The following SLC10A7 variants were observed in gnomAD, a reference collection of about 807,000 sequenced individuals.
SLC10A7 encodes sodium/bile acid cotransporter 7.
Under a neutral mutation model 43.2 loss-of-function variants are expected in SLC10A7, and 29 were observed. The ratio of observed to expected loss-of-function variants is 0.67; its 90% confidence interval spans 0.50 to 0.92. The LOEUF (loss-of-function observed/expected upper bound fraction) is 0.92, where lower values mean the gene tolerates loss of function less well. Among genes scored for constraint, SLC10A7 ranks in the 40% least tolerant of loss-of-function variants. The pLI, the probability that SLC10A7 is intolerant of heterozygous loss-of-function variation, is 0.00. For missense variants in SLC10A7, 295 were observed against 403.2 expected (o/e 0.73, Z 2.30); for synonymous variants, 152 against 144.8 (o/e 1.05, Z -0.35).
At chr4:146,493,499 A>AAAG (rs1553986197) in intron 4 of SLC10A7, among the ~76,000 whole-genome samples, 3 of 151,732 alleles carry the variant, frequency 2.0e-5, no homozygotes, top group African/African-American at 7.3e-5. Flanking sequence ...AAAAAAAAAA[A>AAAG]AGAGAGAGAG....
At chr4:146,314,565 G>A (rs945369680) in intron 6 of SLC10A7, among the ~76,000 whole-genome samples, 1 of 152,078 alleles carries the variant, frequency 6.6e-6, no homozygotes, top group Admixed American at 6.6e-5. Flanking sequence ...TTACTCAAGG[G>A]GTGCTTACAT....
At chr4:146,417,535 C>T (rs1246419244) in intron 5 of SLC10A7, among the ~76,000 whole-genome samples, 1 of 152,146 alleles carries the variant, frequency 6.6e-6, no homozygotes, top group Non-Finnish European at 1.5e-5. Context: ...AACACACGCT[C>T]ATGTAAAAAC....
intron 4 of SLC10A7, among the ~76,000 whole-genome samples, chr4:146,476,639 G>T (rs561186421): frequency 5.9e-5 from 9 of 152,232 alleles, no homozygotes; most frequent in African/African-American, 2.2e-4. Context: ...TTTAGTTCTA[G>T]AACTATGACT....
At chr4:146,519,081 ATATATATATATATATATATATATATATAT>A (rs1560991420) in intron 1 of SLC10A7, among the ~76,000 whole-genome samples, 350 of 34,870 alleles carry the variant, frequency 0.01, 20 homozygotes, top group African/African-American at 0.031. Context: ...ATATATATAT[ATATATATATATATATATATATATATATAT>A]ATAATATAAT....
In SLC10A7 at chr4:146,442,812, T is replaced by A. The variant is rs373382583; in HGVS notation, c.406A>T (p.Ile136Leu). The A allele has an allele frequency of 2.2e-4, 358 of 1,592,340 alleles. 1 individual carries two copies. The South Asian group carries it at 3.3e-3, about 15-fold the overall frequency. Residue 136 changes from isoleucine to leucine, a missense_variant, in exon 5 of 12, where the codon ATA becomes TTA. This residue lies in a region of SLC10A7 where 242 missense variants were observed against 362.5 expected (regional missense o/e 0.67). Coordinates refer to ENST00000335472, the MANE Select transcript of SLC10A7 (RefSeq NM_001029998.6). ...AAACTTCCAAAGGCTGAATTAAATA[T>A]TGCAGCTGCCTATGAAGAAAATAAA... ...KAVGGNEAAA[I>L]FNSAFGSFLG... is the part of the protein sequence containing the mutation.
chr4:146,410,015 T>C (rs1728068654), intron 5 of SLC10A7, among the ~76,000 whole-genome samples: 1 of 152,172 alleles, frequency 6.6e-6, no homozygotes, highest in Non-Finnish European at 1.5e-5. Flanking sequence ...CAGATGTTAA[T>C]AGTTTACTTA....
At chr4:146,503,994 T>C (rs1736661188) in intron 3 of SLC10A7, 70 bp from the exon 4 acceptor site, 1 of 1,286,758 alleles carries the variant, frequency 7.8e-7, no homozygotes, top group Non-Finnish European at 1.1e-6. Context: ...ACATTCATTC[T>C]AAAATAGCAA....
At chr4:146,430,657 T>A (rs1314578096) in intron 5 of SLC10A7, among the ~76,000 whole-genome samples, 1 of 152,070 alleles carries the variant, frequency 6.6e-6, no homozygotes, top group African/African-American at 2.4e-5. Context: ...CAAAAAAAGC[T>A]ACTCAGGAAA....
At chr4:146,260,358 T>C (rs1728146774) in intron 10 of SLC10A7, among the ~76,000 whole-genome samples, 1 of 152,058 alleles carries the variant, frequency 6.6e-6, no homozygotes, top group South Asian at 2.1e-4. Context: ...GCTAAGACAT[T>C]GGGGGATGGG....
At chr4:146,371,987 A>G (rs767605209) in intron 5 of SLC10A7, among the ~76,000 whole-genome samples, 2 of 152,138 alleles carry the variant, frequency 1.3e-5, no homozygotes, top group Non-Finnish European at 2.9e-5. Context: ...GCAATGTTTT[A>G]TGTCAAATGG....
chr4:146,306,124 T>A, intron 6 of SLC10A7, 115 bp from the exon 7 acceptor site: 1 of 681,186 alleles, frequency 1.5e-6, no homozygotes, highest in Non-Finnish European at 2.2e-6. Flanking sequence ...TTGGTAGCTA[T>A]CTACAAAGAA....
At chr4:146,258,540 A>T in intron 11 of SLC10A7, 152 bp downstream of exon 11, 1 of 653,166 alleles carries the variant, frequency 1.5e-6, no homozygotes, top group Non-Finnish European at 2.4e-6. Flanking sequence ...ATTGGAATGG[A>T]TCAGTGCACC....
intron 6 of SLC10A7, among the ~76,000 whole-genome samples, chr4:146,307,809 C>T (rs1208493052): frequency 2.0e-5 from 3 of 152,104 alleles, no homozygotes; most frequent in African/African-American, 7.2e-5. Flanking sequence ...CTCTTTCTAT[C>T]TCAACTTTAT....
chr4:146,420,975 T>G (rs1728922277), intron 5 of SLC10A7, among the ~76,000 whole-genome samples: 1 of 152,050 alleles, frequency 6.6e-6, no homozygotes, highest in Non-Finnish European at 1.5e-5. Context: ...TGCAGTGACA[T>G]ATAATTGCAC....
At chr4:146,327,712 C>T (rs1733236103) in intron 5 of SLC10A7, among the ~76,000 whole-genome samples, 1 of 152,216 alleles carries the variant, frequency 6.6e-6, no homozygotes, top group South Asian at 2.1e-4. Flanking sequence ...GATCTATAAA[C>T]AAGGTTCAAT....
At chr4:146,302,638 G>A (rs1366887849) in intron 7 of SLC10A7, among the ~76,000 whole-genome samples, 1 of 152,136 alleles carries the variant, frequency 6.6e-6, no homozygotes, top group South Asian at 2.1e-4. Context: ...TAGGCAGAAA[G>A]ACACTCTAAA....
intron 6 of SLC10A7, among the ~76,000 whole-genome samples, chr4:146,318,418 C>A (rs556274340): frequency 6.6e-6 from 1 of 151,964 alleles, no homozygotes; most frequent in Non-Finnish European, 1.5e-5. Flanking sequence ...GATCACTCTC[C>A]CCTTTTTGAA....
At chr4:146,308,567 C>G (rs1243683045) in intron 6 of SLC10A7, among the ~76,000 whole-genome samples, 1 of 151,998 alleles carries the variant, frequency 6.6e-6, no homozygotes. Context: ...TAATGAGGAA[C>G]CTGTTGTGGT....
intron 2 of SLC10A7, among the ~76,000 whole-genome samples, chr4:146,515,405 A>G (rs919272725): frequency 6.6e-6 from 1 of 152,208 alleles, no homozygotes; most frequent in African/African-American, 2.4e-5. Flanking sequence ...ATTAGAACTC[A>G]TATGTTGACA....
Sources: allele counts gnomAD v4.1 joint callset (sites outside exome capture counted in the v4.1 genomes callset), GRCh38; gene constraint gnomAD v4.1.1; regional missense constraint gnomAD v4.1.1; transcripts MANE v1.5; gene names NCBI Gene and HGNC (gene_info 2026-07-23, HGNC 2026-07-21).